RGS7: variants seen among roughly 807,000 people sequenced by gnomAD.
RGS7 encodes the protein regulator of G-protein signaling 7.
In RGS7, 27 loss-of-function variants were observed where a neutral mutation model predicts 81.1. That is an observed-to-expected ratio of 0.33 (90% confidence interval 0.25 to 0.46). The LOEUF (loss-of-function observed/expected upper bound fraction) is 0.46. Ranked by LOEUF, RGS7 falls within the 20% of genes least tolerant of loss-of-function variation. The probability of loss-of-function intolerance (pLI) is 1.00; values close to 1 mark genes in which losing one functional copy is unlikely to be tolerated. For synonymous variants in RGS7, 208 were observed against 207.7 expected, an observed-to-expected ratio of 1.00 and a Z score of -0.01; for missense variants, 396 against 607.4, an observed-to-expected ratio of 0.65 and a Z score of 3.66.
intron 9 of RGS7, among the ~76,000 whole-genome samples, chr1:240,851,248 T>G (rs898270538): frequency 6.6e-6 from 1 of 152,322 alleles, no homozygotes; most frequent in African/African-American, 2.4e-5. Context: ...TTCCGAAAAT[T>G]CTAGGGCCCA....
At chr1:241,043,603 ATAT>A (rs1275301205) in intron 3 of RGS7, among the ~76,000 whole-genome samples, 11 of 142,216 alleles carry the variant, frequency 7.7e-5, no homozygotes, top group South Asian at 2.1e-4. Flanking sequence ...ATATATTATA[ATAT>A]TATATAGTTA....
Position 241,121,400 on chromosome 1 carries a change from C to T in RGS7, c.79-22638G>A, listed in dbSNP as rs374281668. On this transcript the variant is annotated intron_variant, in intron 2 of 18. Coordinates refer to ENST00000440928, the MANE Select transcript of RGS7 (RefSeq NM_001364886.1). ...GAGGTATGTATGCATCTAGGTTGAGCGATGAAAGGACAACAAAAGGAAAAG... is the reference window on the plus strand; with the variant it reads ...GAGGTATGTATGCATCTAGGTTGAGTGATGAAAGGACAACAAAAGGAAAAG... 1.4e-3 allele frequency among the ~76,000 whole-genome samples: 212 copies of T among 152,114 alleles called. 5 individuals carry two copies. In the South Asian group the frequency reaches 0.037, roughly 27 times the overall value.
At chr1:240,832,162 C>G (rs1024091526) in intron 9 of RGS7, among the ~76,000 whole-genome samples, 3 of 152,138 alleles carry the variant, frequency 2.0e-5, no homozygotes, top group African/African-American at 7.2e-5. Context: ...CAGAGCTAAA[C>G]AAATCTATCT....
chr1:240,877,201 C>G (rs1250817081), intron 6 of RGS7, among the ~76,000 whole-genome samples: 1 of 149,618 alleles, frequency 6.7e-6, no homozygotes, highest in Non-Finnish European at 1.5e-5. Context: ...TTTGTAAAAC[C>G]CTTAATTCCT....
At chr1:241,217,268 C>T (rs567991166) in intron 2 of RGS7, among the ~76,000 whole-genome samples, 1 of 152,188 alleles carries the variant, frequency 6.6e-6, no homozygotes, top group African/African-American at 2.4e-5. Flanking sequence ...AGGAAGGGAC[C>T]CCCTCACCAG....
chr1:240,950,677 T>C (rs1488264031), intron 4 of RGS7, among the ~76,000 whole-genome samples: 1 of 152,312 alleles, frequency 6.6e-6, no homozygotes, highest in Non-Finnish European at 1.5e-5. Context: ...CTATAGGCTA[T>C]GGTATAATAT....
intron 2 of RGS7, among the ~76,000 whole-genome samples, chr1:241,272,496 A>T (rs1227987008): frequency 6.6e-6 from 1 of 152,102 alleles, no homozygotes; most frequent in Non-Finnish European, 1.5e-5. Flanking sequence ...ATGGCTTTTG[A>T]TTTCTGCTCA....
chr1:240,942,325 G>A (rs961970156), intron 4 of RGS7, among the ~76,000 whole-genome samples: 12 of 152,068 alleles, frequency 7.9e-5, no homozygotes. Context: ...GTACTTGAGT[G>A]TAAAGTACTC....
chr1:241,108,206 G>A (rs1169458490), intron 2 of RGS7, among the ~76,000 whole-genome samples: 1 of 151,626 alleles, frequency 6.6e-6, no homozygotes, highest in South Asian at 2.1e-4. Flanking sequence ...GGGAGGCTGA[G>A]GCAGAAGAAT....
chr1:240,895,628 T>C, intron 6 of RGS7, among the ~76,000 whole-genome samples: 1 of 152,230 alleles, frequency 6.6e-6, no homozygotes, highest in Non-Finnish European at 1.5e-5. Flanking sequence ...CATCCTTTTT[T>C]ATGGCTGCAT....
chr1:240,781,564 G>A (rs771525625), intron 18 of RGS7, among the ~76,000 whole-genome samples: 9 of 152,096 alleles, frequency 5.9e-5, no homozygotes, highest in Middle Eastern at 3.2e-3. Context: ...GTGAGATTGC[G>A]CCACTGCACT....
At chr1:241,256,223 T>A (rs1012298486) in intron 2 of RGS7, among the ~76,000 whole-genome samples, 1 of 152,224 alleles carries the variant, frequency 6.6e-6, no homozygotes, top group Non-Finnish European at 1.5e-5. Flanking sequence ...TTTTAAAATT[T>A]ATGCATAATT....
intron 4 of RGS7, among the ~76,000 whole-genome samples, chr1:240,943,349 A>G (rs776614726): frequency 6.6e-6 from 1 of 152,178 alleles, no homozygotes; most frequent in Non-Finnish European, 1.5e-5. Context: ...AATCATCTGT[A>G]AGAAGTTGAC....
chr1:241,183,461 T>C (rs143987987), intron 2 of RGS7, among the ~76,000 whole-genome samples: 3 of 152,148 alleles, frequency 2.0e-5, no homozygotes, highest in African/African-American at 7.2e-5. Flanking sequence ...CAATAAATCA[T>C]GCTCTGTCTC....
At chr1:240,954,269 T>TTAGCCAGC (rs1319323662) in intron 4 of RGS7, among the ~76,000 whole-genome samples, 2 of 152,048 alleles carry the variant, frequency 1.3e-5, no homozygotes, top group African/African-American at 2.4e-5. Context: ...CAGCATTAAC[T>TTAGCCAGC]TAATACTAAA....
intron 3 of RGS7, among the ~76,000 whole-genome samples, chr1:241,064,595 C>CA (rs2061950119): frequency 6.6e-6 from 1 of 151,624 alleles, no homozygotes; most frequent in South Asian, 2.1e-4. Context: ...ACAACAACAA[C>CA]AAAAAATACC....
intron 4 of RGS7, among the ~76,000 whole-genome samples, chr1:240,970,846 G>A (rs1427509703): frequency 6.6e-6 from 1 of 152,084 alleles, no homozygotes; most frequent in African/African-American, 2.4e-5. Flanking sequence ...TAGCGTGGTG[G>A]TGTGCCCTTG....
intron 2 of RGS7, among the ~76,000 whole-genome samples, chr1:241,204,319 G>A (rs1049899420): frequency 1.3e-5 from 2 of 152,192 alleles, no homozygotes; most frequent in African/African-American, 4.8e-5. Flanking sequence ...TATTGCATTT[G>A]CTCACCAAGT....
intron 2 of RGS7, among the ~76,000 whole-genome samples, chr1:241,292,443 C>A (rs10737855): frequency 0.7 from 105,769 of 152,108 alleles, 37,352 homozygotes; most frequent in East Asian, 0.85. Flanking sequence ...ACAATCTCAA[C>A]AAGCAATAGG....
Sources: allele counts gnomAD v4.1 joint callset (sites outside exome capture counted in the v4.1 genomes callset), GRCh38; gene constraint gnomAD v4.1.1; transcripts MANE v1.5; gene names NCBI Gene and HGNC (gene_info 2026-07-23, HGNC 2026-07-21).